SLC25A48: variants seen among roughly 807,000 people sequenced by gnomAD.
SLC25A48 encodes CTC-321K16.1.
A neutral mutation model predicts 32.2 loss-of-function variants in SLC25A48; 29 were observed. The ratio of observed to expected loss-of-function variants is 0.90; its 90% CI spans 0.67 to 1.23. The LOEUF is 1.23. Among genes scored for constraint, SLC25A48 ranks in the 50% most tolerant of loss-of-function variants. The probability of loss-of-function intolerance (pLI) is 0.00; values close to 1 mark genes in which losing one functional copy is unlikely to be tolerated. For missense variants in SLC25A48, 399 were observed against 422.7 expected, an observed-to-expected ratio of 0.94 and a Z score of 0.49; for synonymous variants, 164 against 172.3, an observed-to-expected ratio of 0.95 and a Z score of 0.38.
chr5:135,631,675 T>C (rs1752574677), intron 2 of SLC25A48, among the ~76,000 whole-genome samples: 1 of 152,226 alleles, frequency 6.6e-6, no homozygotes, highest in Non-Finnish European at 1.5e-5. Flanking sequence ...GTCATTCTCA[T>C]GTTGTACAAA....
intron 1 of SLC25A48, among the ~76,000 whole-genome samples, chr5:135,840,906 T>A (rs1165953984): frequency 1.3e-5 from 2 of 152,194 alleles, no homozygotes; most frequent in Non-Finnish European, 2.9e-5. Context: ...TGTTTTAGTA[T>A]CTGTTTTCTG....
intron 3 of SLC25A48, among the ~76,000 whole-genome samples, chr5:135,662,891 C>T (rs961320529): frequency 3.3e-5 from 5 of 152,152 alleles, no homozygotes; most frequent in African/African-American, 4.8e-5. Context: ...GCTTCAGTGT[C>T]ATCTCCTGCA....
intron 3 of SLC25A48, among the ~76,000 whole-genome samples, chr5:135,804,619 T>C (rs1240261455): frequency 2.0e-5 from 3 of 151,534 alleles, no homozygotes; most frequent in African/African-American, 7.3e-5. Flanking sequence ...TGGGTTTACA[T>C]CATGTGTTTA....
At chr5:135,740,118 G>A (rs1317254383) in intron 3 of SLC25A48, among the ~76,000 whole-genome samples, 3 of 152,148 alleles carry the variant, frequency 2.0e-5, no homozygotes, top group Non-Finnish European at 4.4e-5. Flanking sequence ...CCCTCAAATG[G>A]AAAGAGATTG....
In SLC25A48 at chr5:135,617,823, G is replaced by A. The variant is rs550962997; in HGVS notation, c.-848-11414G>A. Among the ~76,000 whole-genome samples the A allele has an allele frequency of 5.9e-5, 9 of 151,550 alleles. 1 individual carries two copies. Among genetic ancestry groups the A allele is most frequent in the African/African-American group, 2.2e-4 (9 of 41,286 alleles). ...CTGAAAAGATACTTGATATGATTTT[G>A]GTTTTAAAAAAAGTTTTTTGAGACT... On this transcript the variant is annotated intron_variant, in intron 1 of 10. Coordinates refer to the SLC25A48 transcript ENST00000646290.
chr5:135,749,879 A>C (rs533633617), intron 3 of SLC25A48, among the ~76,000 whole-genome samples: 181 of 152,174 alleles, frequency 1.2e-3, no homozygotes, highest in African/African-American at 4.2e-3. Context: ...GGTGTGAGCC[A>C]CCTCGCCGGC....
chr5:135,842,508 G>C (rs777772201), intron 2 of SLC25A48, 49 bp downstream of exon 2: 3 of 1,540,218 alleles, frequency 1.9e-6, no homozygotes, highest in African/African-American at 2.7e-5. Flanking sequence ...GCATGGAGCT[G>C]ACCTGCCTCT....
intron 3 of SLC25A48, among the ~76,000 whole-genome samples, chr5:135,682,109 T>C (rs1753911543): frequency 6.6e-6 from 1 of 152,172 alleles, no homozygotes; most frequent in African/African-American, 2.4e-5. Flanking sequence ...CCTCCCAAAA[T>C]TCTTAACTTA....
At chr5:135,631,685 A>C (rs1222076347) in intron 2 of SLC25A48, among the ~76,000 whole-genome samples, 1 of 152,198 alleles carries the variant, frequency 6.6e-6, no homozygotes, top group African/African-American at 2.4e-5. Context: ...TGTTGTACAA[A>C]ATGACAACTG....
intron 3 of SLC25A48, among the ~76,000 whole-genome samples, chr5:135,755,186 G>T (rs894601981): frequency 6.6e-6 from 1 of 151,858 alleles, no homozygotes; most frequent in Non-Finnish European, 1.5e-5. Flanking sequence ...ATGAAATATC[G>T]CTCTGATATT....
chr5:135,688,968 A>C (rs1019011505), intron 3 of SLC25A48, among the ~76,000 whole-genome samples: 1 of 152,250 alleles, frequency 6.6e-6, no homozygotes, highest in African/African-American at 2.4e-5. Flanking sequence ...GTGCATCCTC[A>C]CAACAGTCTT....
At position 135,773,794 on chromosome 5, in the gene SLC25A48, G is replaced by A. The variant is rs141118742; in HGVS notation, c.-520-38729G>A. 2.0e-3 allele frequency among the ~76,000 whole-genome samples: 308 copies of A among 151,598 alleles called. 5 individuals are homozygous for A. In the East Asian group the frequency reaches 0.049, roughly 24 times the overall value. On this transcript the variant is annotated intron_variant, in intron 3 of 10. Transcript: ENST00000646290. ...TATGATATTACTCCCAATATCACAG[G>A]GGGTGTACACCCTCCTTGTGATTTT... is the stretch of plus-strand genomic sequence containing the variant.
chr5:135,765,217 G>A (rs36082761), intron 3 of SLC25A48, among the ~76,000 whole-genome samples: 45,730 of 151,406 alleles, frequency 0.3, 7,053 homozygotes, highest in East Asian at 0.46. Context: ...AATATCCAGG[G>A]TGGGAGATGG....
chr5:135,836,417 A>C (rs1209516781), intron 1 of SLC25A48, among the ~76,000 whole-genome samples: 1 of 151,086 alleles, frequency 6.6e-6, no homozygotes, highest in Non-Finnish European at 1.5e-5. Context: ...TTGAATACTT[A>C]CTAGGTGCCA....
At chr5:135,865,833 G>A (rs958880763) in intron 4 of SLC25A48, among the ~76,000 whole-genome samples, 2 of 152,186 alleles carry the variant, frequency 1.3e-5, no homozygotes, top group Non-Finnish European at 2.9e-5. Flanking sequence ...AACAGCAGCT[G>A]TACTTTTAAG....
chr5:135,780,575 A>G lies in SLC25A48; in HGVS notation c.-520-31948A>G, dbSNP rs1325134012. Among the ~76,000 whole-genome samples, 2 of 116,942 alleles carry G rather than the reference A, an allele frequency of 1.7e-5. 1 individual carries two copies. Among genetic ancestry groups the G allele is most frequent in the African/African-American group, 5.2e-5 (2 of 38,282 alleles). The allele number at this position is 116,942 out of a possible 152,430, so 76.7% of individuals were successfully genotyped here. The stretch of plus-strand genomic sequence containing the variant: ...TAGTATCCAAAAGGAAGAGGATGAT[A>G]TTACTCTCAATATCGCAGGTGGCAT... On this transcript the variant is annotated intron_variant, in intron 3 of 10. Transcript: ENST00000646290.
At position 135,761,693 on chromosome 5, in the gene SLC25A48, C is replaced by T. The variant is rs79614257; in HGVS notation, c.-520-50830C>T. Among the ~76,000 whole-genome samples, 1,329 of 152,314 alleles carry T rather than the reference C, an allele frequency of 8.7e-3. 12 individuals are homozygous for T. The highest frequency in any genetic ancestry group is 0.02 in the Middle Eastern group (6 of 294). ...AAGATTGTTTTCAATCTCTCTTAAA[C>T]CGTATTCATGGGAAACACATTCTCT... On this transcript the variant is annotated intron_variant, in intron 3 of 10. Transcript: ENST00000646290.
At chr5:135,886,623 AT>A (rs1561567686) in intron 7 of SLC25A48, among the ~76,000 whole-genome samples, 402 of 22,898 alleles carry the variant, frequency 0.018, 30 homozygotes, top group East Asian at 0.05. Context: ...ATATATATAT[AT>A]ATATATATAT....
At chr5:135,804,478 G>A (rs752060502) in intron 3 of SLC25A48, among the ~76,000 whole-genome samples, 20 of 151,692 alleles carry the variant, frequency 1.3e-4, no homozygotes, top group Non-Finnish European at 2.1e-4. Flanking sequence ...TGCTATGGAT[G>A]TAATACATCT....
Sources: gnomAD v4.1 joint callset for allele counts (sites outside exome capture counted in the v4.1 genomes callset) on GRCh38, gnomAD v4.1.1 for gene constraint, MANE v1.5 for transcripts, NCBI Gene and HGNC (gene_info 2026-07-23, HGNC 2026-07-21) for gene names.